Variants in TTC7B observed in about 807,000 individuals in gnomAD.
The protein encoded by TTC7B is tetratricopeptide repeat domain 7B.
Under a neutral mutation model 106.8 loss-of-function variants are expected in TTC7B, and 28 were observed. That is an observed-to-expected ratio of 0.26 (90% CI 0.19 to 0.36). TTC7B has a LOEUF of 0.36. TTC7B is among the 10% of genes least tolerant of loss of function. TTC7B has a pLI of 1.00. For synonymous variants in TTC7B, 405 were observed against 430.6 expected (o/e 0.94, Z 0.74); for missense variants, 862 against 1,076.4 (o/e 0.80, Z 2.79).
At chr14:90,598,474 G>T (rs957675635) in intron 17 of TTC7B, among the ~76,000 whole-genome samples, 2 of 152,278 alleles carry the variant, frequency 1.3e-5, no homozygotes, top group Non-Finnish European at 2.9e-5. Flanking sequence ...GGGTAAGGAG[G>T]GGGGAAGGCA....
intron 9 of TTC7B, among the ~76,000 whole-genome samples, chr14:90,670,292 C>A (rs2139916492): frequency 6.6e-6 from 1 of 152,132 alleles, no homozygotes; most frequent in South Asian, 2.1e-4. Context: ...ATGAGGTACC[C>A]AAAATAAGCA....
chr14:90,757,073 CAGTT>C lies in TTC7B; in HGVS notation c.446-12155_446-12152del, dbSNP rs1461926560. Reference sequence around the variant, plus strand: ...AAGAGATCATGGAGTCAGAGACAAACAGTTAGCAGAAGGCTTAACGTGGTGGATC... The same window carrying C: ...AAGAGATCATGGAGTCAGAGACAAACAGCAGAAGGCTTAACGTGGTGGATC... On this transcript the variant is annotated intron_variant, in intron 3 of 19. Transcript: ENST00000328459. The surrounding 1 kb of genome is among the most constrained non-coding windows in gnomAD (Gnocchi z 4.1). Among the ~76,000 whole-genome samples the C allele has an allele frequency of 2.0e-5, 3 of 152,114 alleles. No individual in the cohort carries two copies. The East Asian group carries it at 5.8e-4, about 29-fold the overall frequency.
At chr14:90,558,690 C>T (rs979950288) in intron 19 of TTC7B, among the ~76,000 whole-genome samples, 1 of 152,248 alleles carries the variant, frequency 6.6e-6, no homozygotes, top group South Asian at 2.1e-4. Context: ...GGGGTCTCCC[C>T]GGCCAGCGCT....
At chr14:90,551,086 T>C (rs1326207191) in intron 19 of TTC7B, among the ~76,000 whole-genome samples, 4 of 152,028 alleles carry the variant, frequency 2.6e-5, no homozygotes, top group Non-Finnish European at 5.9e-5. Context: ...CTGACACTGC[T>C]CTCTAAGAAA....
intron 2 of TTC7B, among the ~76,000 whole-genome samples, chr14:90,784,255 G>T (rs940912277): frequency 6.6e-6 from 1 of 152,036 alleles, no homozygotes; most frequent in Non-Finnish European, 1.5e-5. Flanking sequence ...TCATGTCATC[G>T]GTTAAGAACA....
intron 2 of TTC7B, 108 bp downstream of exon 2, chr14:90,786,066 G>T: frequency 2.4e-6 from 3 of 1,265,200 alleles, no homozygotes; most frequent in Non-Finnish European, 2.1e-6. Flanking sequence ...GACAAGCCCT[G>T]GCAGTGTGCA....
At chr14:90,676,428 AG>A (rs1886839733) in intron 9 of TTC7B, 94 bp downstream of exon 9, 11 of 1,445,372 alleles carry the variant, frequency 7.6e-6, no homozygotes, top group African/African-American at 2.8e-5. Context: ...CCACTAATAG[AG>A]GGGGGCCCAG....
rs558392230 is a variant in TTC7B at position 90,684,504 on chromosome 14, G to C, written c.951-3969C>G. 4.2e-4 allele frequency among the ~76,000 whole-genome samples: 64 copies of C among 152,194 alleles called. No homozygotes were observed. The South Asian group carries it at 0.013, about 31-fold the overall frequency. ...CAAACTCACAACACAAGCAGAATGG[G>C]TCAATATATTGGAGGACAGTCATAA... On this transcript the variant is annotated intron_variant, in intron 7 of 19. Coordinates refer to ENST00000328459, the MANE Select transcript of TTC7B (RefSeq NM_001010854.2).
At chr14:90,774,452 A>T (rs574535749) in intron 3 of TTC7B, among the ~76,000 whole-genome samples, 1 of 152,244 alleles carries the variant, frequency 6.6e-6, no homozygotes, top group African/African-American at 2.4e-5. Context: ...ACCCCTCTGC[A>T]TATGCCTAAG....
chr14:90,636,980 A>G (rs1180156313), intron 15 of TTC7B, among the ~76,000 whole-genome samples: 1 of 151,562 alleles, frequency 6.6e-6, no homozygotes, highest in East Asian at 1.9e-4. Context: ...AAAAAAAAAA[A>G]ACCCAAAATA....
chr14:90,579,492 A>C (rs1333015276), intron 18 of TTC7B, among the ~76,000 whole-genome samples: 1 of 152,234 alleles, frequency 6.6e-6, no homozygotes, highest in African/African-American at 2.4e-5. Context: ...AGTTAAAAGA[A>C]CAAAAATAAA....
At position 90,742,212 on chromosome 14, in the gene TTC7B, G is replaced by A. The variant is rs1030382527; in HGVS notation, c.576+2580C>T. On this transcript the variant is annotated intron_variant, in intron 4 of 19. Transcript: ENST00000328459. This position sits in a 1 kb window ranked among gnomAD's most constrained non-coding sequence, Gnocchi z 4.1. ...CTTGCCACCATGCCTAGCTAGTTTC[G>A]TTTCATTTCGTTTCGTTCGCTTCTT... Among the ~76,000 whole-genome samples the A allele has an allele frequency of 1.3e-4, 19 of 151,820 alleles. No individual in the cohort carries two copies. Among genetic ancestry groups the A allele is most frequent in the African/African-American group, 1.7e-4 (7 of 41,340 alleles).
chr14:90,753,578 G>A (rs1485188012), intron 3 of TTC7B, among the ~76,000 whole-genome samples: 2 of 152,164 alleles, frequency 1.3e-5, no homozygotes, highest in African/African-American at 4.8e-5. Flanking sequence ...GTAGAGGGGA[G>A]GAGAAGATGC....
At chr14:90,690,163 T>C (rs1459581539) in intron 6 of TTC7B, among the ~76,000 whole-genome samples, 2 of 152,224 alleles carry the variant, frequency 1.3e-5, no homozygotes, top group Non-Finnish European at 2.9e-5. Flanking sequence ...GACAATCCGA[T>C]GTCCACTGTA....
At chr14:90,610,673 T>TGTCACTTG (rs1183452073) in intron 17 of TTC7B, 69 bp downstream of exon 17, 1 of 1,138,564 alleles carries the variant, frequency 8.8e-7, no homozygotes, top group Non-Finnish European at 1.3e-6. Flanking sequence ...TCTCATCCCA[T>TGTCACTTG]GTCACTTGGT....
At chr14:90,664,222 T>A (rs1886320133) in intron 9 of TTC7B, among the ~76,000 whole-genome samples, 1 of 152,164 alleles carries the variant, frequency 6.6e-6, no homozygotes, top group Non-Finnish European at 1.5e-5. Flanking sequence ...TTTAATGTTG[T>A]GGGGAGATGG....
intron 1 of TTC7B, among the ~76,000 whole-genome samples, chr14:90,792,407 T>A (rs111874647): frequency 0.042 from 6,452 of 152,032 alleles, 191 homozygotes; most frequent in Non-Finnish European, 0.058. Flanking sequence ...AGAAACCCTG[T>A]CCCTACTAAA....
rs1889379997 is a variant in TTC7B, at chr14:90,534,905, G to A, written c.*6463C>T. On this transcript the variant is annotated 3_prime_UTR_variant, in exon 20 of 20. Coordinates refer to ENST00000328459, the MANE Select transcript of TTC7B (RefSeq NM_001010854.2). ...AGGGGGGACTTCCTGCAGGCAGAGA[G>A]TCTGGGCCCGCAATGATGACTGTGT... 6.5e-6 allele frequency: 1 copy of A among 152,718 alleles called. No individual in the cohort carries two copies. 9.5% of individuals were successfully genotyped at this position (152,718 alleles called of 1,614,324 possible).
At chr14:90,758,414 G>C (rs1489632530) in intron 3 of TTC7B, among the ~76,000 whole-genome samples, 2 of 123,490 alleles carry the variant, frequency 1.6e-5, no homozygotes, top group Non-Finnish European at 3.5e-5. Flanking sequence ...GGGCGGGGTC[G>C]GGGACAGCAG....
Sources: gnomAD v4.1 joint callset for allele counts (sites outside exome capture counted in the v4.1 genomes callset) on GRCh38, gnomAD v4.1.1 for gene constraint, Gnocchi (gnomAD v3.1) non-coding constraint, MANE v1.5 for transcripts, NCBI Gene and HGNC (gene_info 2026-07-23, HGNC 2026-07-21) for gene names.